Variants in OGA observed in about 807,000 individuals in gnomAD.
The protein encoded by OGA is protein O-GlcNAcase.
In OGA, 21 loss-of-function variants were observed where a neutral mutation model predicts 102.0. The ratio of observed to expected loss-of-function variants is 0.21; its 90% CI spans 0.15 to 0.30. OGA has a LOEUF of 0.30. Among genes scored for constraint, OGA ranks in the 10% least tolerant of loss-of-function variants. OGA has a pLI of 1.00. For synonymous variants in OGA, 408 were observed against 378.2 expected, an observed-to-expected ratio of 1.08 and a Z score of -0.91; for missense variants, 765 against 1,107.8, an observed-to-expected ratio of 0.69 and a Z score of 4.39.
chr10:101,815,219 A>G (rs1190059219), intron 1 of OGA, among the ~76,000 whole-genome samples: 1 of 152,212 alleles, frequency 6.6e-6, no homozygotes, highest in African/African-American at 2.4e-5. Context: ...ATACCAATGT[A>G]TAACTGTAGC....
At chr10:101,812,754 C>G in intron 3 of OGA, 3 of 513,724 alleles carry the variant, frequency 5.8e-6, no homozygotes, top group Non-Finnish European at 1.1e-5. Context: ...CAGTGGCCCA[C>G]TGTTTAATCC....
chr10:101,786,626 C>T, intron 15 of OGA, 39 bp from the exon 16 acceptor site: 2 of 1,478,278 alleles, frequency 1.4e-6, no homozygotes, highest in Non-Finnish European at 1.8e-6. Context: ...AAATAAGTCA[C>T]TTAATTAGTA....
At chr10:101,791,948 T>A (rs535451241) in intron 12 of OGA, among the ~76,000 whole-genome samples, 1 of 152,174 alleles carries the variant, frequency 6.6e-6, no homozygotes, top group African/African-American at 2.4e-5. Flanking sequence ...GGCCTCAGCC[T>A]CCAGAGTAGC....
chr10:101,813,219 A>C, intron 2 of OGA, 92 bp from the exon 3 acceptor site: 2 of 830,448 alleles, frequency 2.4e-6, no homozygotes, highest in Non-Finnish European at 4.0e-6. Context: ...TCTCCATCTC[A>C]TACAAAGCTA....
At chr10:101,796,061 G>A in intron 10 of OGA, 1 of 276,816 alleles carries the variant, frequency 3.6e-6, no homozygotes, top group Non-Finnish European at 5.5e-6. Context: ...AATGTTTTCT[G>A]TAATACATTT....
intron 3 of OGA, 57 bp downstream of exon 3, chr10:101,812,973 A>G (rs776303773): frequency 6.9e-6 from 9 of 1,302,420 alleles, no homozygotes; most frequent in Non-Finnish European, 1.0e-5. Context: ...ACTACATTTA[A>G]AATATAACCG....
chr10:101,807,232 G>C (rs1029756780), intron 5 of OGA, among the ~76,000 whole-genome samples: 3 of 152,128 alleles, frequency 2.0e-5, no homozygotes, highest in African/African-American at 7.2e-5. Context: ...AAGCAACTAA[G>C]AGACTAAAAT....
intron 5 of OGA, among the ~76,000 whole-genome samples, chr10:101,806,692 C>T (rs1326929511): frequency 6.6e-6 from 1 of 152,158 alleles, no homozygotes; most frequent in Non-Finnish European, 1.5e-5. Flanking sequence ...GCATTTTCTA[C>T]AGAATTCTGA....
chr10:101,786,370 G>C lies in OGA; in HGVS notation c.*81C>G, dbSNP rs867571683. ...TGGCTGATTTGTTACCATTCTAGAG[G>C]CTGAACTGTATGAAGACCTCAACTA... On this transcript the variant is annotated 3_prime_UTR_variant, in exon 16 of 16. Coordinates refer to ENST00000361464, the MANE Select transcript of OGA (RefSeq NM_012215.5). 2 of 1,363,142 alleles carry C rather than the reference G, an allele frequency of 1.5e-6. No homozygotes were observed. The highest frequency in any genetic ancestry group is 3.7e-5 in the South Asian group (2 of 53,806). The allele number at this position is 1,363,142 out of a possible 1,614,324, so 84.4% of individuals were successfully genotyped here.
intron 7 of OGA, among the ~76,000 whole-genome samples, chr10:101,800,799 G>T (rs1431436964): frequency 7.1e-6 from 1 of 141,632 alleles, no homozygotes; most frequent in Non-Finnish European, 1.5e-5. Flanking sequence ...TTTTGAGATG[G>T]AGTCTCACCC....
At chr10:101,791,325 A>G (rs1251918411) in intron 13 of OGA, 29 bp downstream of exon 13, 1 of 1,557,044 alleles carries the variant, frequency 6.4e-7, no homozygotes, top group Non-Finnish European at 8.9e-7. Flanking sequence ...TGAAAGGTCT[A>G]CTCTCAAATC....
At position 101,785,622 on chromosome 10, in the gene OGA, A is replaced by G. The variant is rs2065184002; in HGVS notation, c.*829T>C. 6.6e-6 allele frequency: 1 copy of G among 152,608 alleles called. No individual in the cohort carries two copies. Among genetic ancestry groups the G allele is most frequent in the Admixed American group, 6.5e-5 (1 of 15,288 alleles). 9.5% of individuals were successfully genotyped at this position (152,608 alleles called of 1,614,324 possible). A position where few individuals can be genotyped will look rare whatever the true frequency, so the allele number is the denominator to read the frequency against. On this transcript the variant is annotated 3_prime_UTR_variant, in exon 16 of 16. Coordinates refer to ENST00000361464, the MANE Select transcript of OGA (RefSeq NM_012215.5). Reference sequence around the variant, plus strand: ...AAATAATAAAACTTCAAAAAGAACAAAAACAACCCCAAACCCAAAGACAAA... The same window carrying G: ...AAATAATAAAACTTCAAAAAGAACAGAAACAACCCCAAACCCAAAGACAAA...
chr10:101,787,072 G>A (rs1214968009), intron 15 of OGA, among the ~76,000 whole-genome samples: 2 of 150,632 alleles, frequency 1.3e-5, no homozygotes, highest in African/African-American at 2.4e-5. Context: ...GTAGAGATGG[G>A]GTCTCAGCCA....
chr10:101,786,202 A>G lies in OGA; in HGVS notation c.*249T>C, dbSNP rs2065188679. On this transcript the variant is annotated 3_prime_UTR_variant, in exon 16 of 16. Coordinates refer to ENST00000361464, the MANE Select transcript of OGA (RefSeq NM_012215.5). ...TGTATAAGCCCATGTAAAAGGTCTC[A>G]GCACCTAACACAAGACTCAAAAAGG... The G allele has an allele frequency of 6.1e-6, 2 of 328,190 alleles. No individual in the cohort carries two copies. Among genetic ancestry groups the G allele is most frequent in the Non-Finnish European group, 5.5e-6 (1 of 182,578 alleles). The allele number at this position is 328,190 out of a possible 1,614,324, so 20.3% of individuals were successfully genotyped here.
chr10:101,804,392 C>T (rs1248622397), intron 6 of OGA, among the ~76,000 whole-genome samples: 1 of 151,488 alleles, frequency 6.6e-6, no homozygotes, highest in African/African-American at 2.4e-5. Flanking sequence ...CCTGCTTCAG[C>T]CTCCTGAGTA....
At chr10:101,788,607 C>T (rs1189294371) in intron 14 of OGA, among the ~76,000 whole-genome samples, 8 of 151,492 alleles carry the variant, frequency 5.3e-5, no homozygotes, top group African/African-American at 1.9e-4. Context: ...TAGTGGTGGG[C>T]GCCTGTAATC....
chr10:101,787,944 CACAGTGAA>C (rs1388554007), intron 14 of OGA: 1 of 156,086 alleles, frequency 6.4e-6, no homozygotes, highest in Non-Finnish European at 1.4e-5. Flanking sequence ...TCCTGGCTGA[CACAGTGAA>C]ACCCTGTCTC....
At position 101,791,735 on chromosome 10, in the gene OGA, C is replaced by T. The variant is rs1040547406; in HGVS notation, c.2176-296G>A. Among the ~76,000 whole-genome samples the T allele has an allele frequency of 5.3e-5, 8 of 152,236 alleles. No individual in the cohort carries two copies. In the South Asian group the frequency reaches 1.2e-3, roughly 24 times the overall value. On this transcript the variant is annotated intron_variant, in intron 12 of 15. Transcript: ENST00000361464. ...AGGCTGGAGTGCAGTGGTGCAATCT[C>T]GGCTCACTGCAGCCTCCACCTCCTG... is the stretch of plus-strand genomic sequence containing the variant.
In OGA at chr10:101,786,295, C is replaced by CAA; in HGVS notation, c.*154_*155dup. ...TATTCTTCCAACCAGTGAGTAGTCT[C>CAA]AAAGTGTGATGGGTGAGTTTTACAT... On this transcript the variant is annotated 3_prime_UTR_variant, in exon 16 of 16. Coordinates refer to ENST00000361464, the MANE Select transcript of OGA (RefSeq NM_012215.5). 1 of 691,038 alleles carries CAA rather than the reference C, an allele frequency of 1.4e-6. No homozygotes were observed. Among genetic ancestry groups the CAA allele is most frequent in the South Asian group, 3.6e-5 (1 of 27,478 alleles). 42.8% of individuals were successfully genotyped at this position (691,038 alleles called of 1,614,324 possible). A position where few individuals can be genotyped will look rare whatever the true frequency, so the allele number is the denominator to read the frequency against.
Sources: allele counts gnomAD v4.1 joint callset (sites outside exome capture counted in the v4.1 genomes callset), GRCh38; gene constraint gnomAD v4.1.1; transcripts MANE v1.5; gene names NCBI Gene and HGNC (gene_info 2026-07-23, HGNC 2026-07-21).